VPS13A: variants seen among roughly 807,000 people sequenced by gnomAD.
VPS13A encodes the protein intermembrane lipid transfer protein VPS13A.
Under a neutral mutation model 390.9 loss-of-function variants are expected in VPS13A, and 264 were observed. That is an observed-to-expected ratio of 0.68 (90% confidence interval 0.61 to 0.75). The LOEUF is 0.75. Ranked by LOEUF, VPS13A falls within the 30% of genes least tolerant of loss-of-function variation. The pLI is 0.00. For missense variants in VPS13A, 3,409 were observed against 3,733.9 expected (o/e 0.91, Z 2.27); for synonymous variants, 1,231 against 1,227.1 (o/e 1.00, Z -0.07).
In VPS13A at chr9:77,339,484, A is replaced by ATTTT. The variant is rs200451091; in HGVS notation, c.6379-31_6379-28dup. Reference sequence around the variant, plus strand: ...GGCATATTATTCTGCAACATTTTAAATTTTGTTTTGTTTTTTTTTTTTTTA... The same window carrying ATTTT: ...GGCATATTATTCTGCAACATTTTAAATTTTTTTTGTTTTGTTTTTTTTTTTTTTA... On this transcript the variant is annotated intron_variant, in intron 47 of 71. Coordinates refer to ENST00000360280, the MANE Select transcript of VPS13A (RefSeq NM_033305.3). 1.9e-4 allele frequency: 268 copies of ATTTT among 1,397,218 alleles called. 7 individuals carry two copies. Among genetic ancestry groups the ATTTT allele is most frequent in the South Asian group, 6.7e-4 (49 of 73,498 alleles). 86.6% of individuals were successfully genotyped at this position (1,397,218 alleles called of 1,614,324 possible).
intron 1 of VPS13A, among the ~76,000 whole-genome samples, chr9:77,195,488 G>C (rs1167715480): frequency 6.6e-6 from 1 of 152,236 alleles, no homozygotes; most frequent in African/African-American, 2.4e-5. Context: ...TGTAATCCCA[G>C]CGTTCTGGGA....
Position 77,372,844 on chromosome 9 carries a change from GACAA to G in VPS13A, c.9077+1699_9077+1702del, listed in dbSNP as rs1221724830. On this transcript the variant is annotated intron_variant, in intron 67 of 71. Coordinates refer to ENST00000360280, the MANE Select transcript of VPS13A (RefSeq NM_033305.3). ...CAAGCATTCTTATACACCAACAACA[GACAA>G]ACAGAGAGCCAAATCATAAGTGAAC... 7.4e-4 allele frequency among the ~76,000 whole-genome samples: 112 copies of G among 152,146 alleles called. No individual in the cohort carries two copies. The East Asian group carries it at 0.02, about 27-fold the overall frequency.
intron 71 of VPS13A, among the ~76,000 whole-genome samples, chr9:77,414,114 A>C (rs1835064349): frequency 1.3e-5 from 2 of 152,210 alleles, no homozygotes; most frequent in Admixed American, 1.3e-4. Context: ...GATGTGGAGA[A>C]ATAGGAACAC....
At chr9:77,336,802 CTTT>C (rs1221241397) in intron 46 of VPS13A, among the ~76,000 whole-genome samples, 11 of 107,960 alleles carry the variant, frequency 1.0e-4, no homozygotes, top group African/African-American at 3.4e-4. Context: ...ATTTATCTAT[CTTT>C]TTTTTTTTTT....
At chr9:77,282,956 G>GA (rs199814594) in intron 29 of VPS13A, among the ~76,000 whole-genome samples, 10,956 of 136,472 alleles carry the variant, frequency 0.08, 452 homozygotes, top group South Asian at 0.12. Context: ...ACTCTGTTTC[G>GA]AAAAAAAAAA....
rs1243621287 is a variant in VPS13A, at chr9:77,417,234, T to G, written c.*1228T>G. 6.6e-6 allele frequency: 1 copy of G among 152,222 alleles called. No individual in the cohort carries two copies. The highest frequency in any genetic ancestry group is 1.5e-5 in the Non-Finnish European group (1 of 68,032). 9.4% of individuals were successfully genotyped at this position (152,222 alleles called of 1,614,324 possible). A position where few individuals can be genotyped will look rare whatever the true frequency, so the allele number is the denominator to read the frequency against. ...TACAGAGTATTCAATGCATGTTGTA[T>G]GTGCCACCAAGTTACTATTAACTGT... On this transcript the variant is annotated 3_prime_UTR_variant, in exon 72 of 72. Coordinates refer to ENST00000360280, the MANE Select transcript of VPS13A (RefSeq NM_033305.3).
intron 2 of VPS13A, among the ~76,000 whole-genome samples, chr9:77,200,555 G>C (rs1825270548): frequency 6.6e-6 from 1 of 151,900 alleles, no homozygotes; most frequent in Non-Finnish European, 1.5e-5. Context: ...TTTTTAACTT[G>C]TTTTCTGATT....
chr9:77,215,713 C>T (rs1346298895), intron 10 of VPS13A, among the ~76,000 whole-genome samples: 1 of 152,220 alleles, frequency 6.6e-6, no homozygotes, highest in Admixed American at 6.5e-5. Flanking sequence ...GAGAGGGTCC[C>T]CCTCCTTCAG....
At position 77,415,926 on chromosome 9, in the gene VPS13A, A is replaced by G. The variant is rs772061606; in HGVS notation, c.9475-30A>G. 1.9e-6 allele frequency: 3 copies of G among 1,612,250 alleles called. No individual in the cohort carries two copies. The African/African-American group carries it at 4.0e-5, about 22-fold the overall frequency. ...GTTTCATTACAAGTTCACTGAAGTA[A>G]GCAAATGTTCATTTATTTTCCCACC... On this transcript the variant is annotated intron_variant, in intron 71 of 71. Transcript: ENST00000360280.
Position 77,282,235 on chromosome 9 carries a change from A to G in VPS13A, c.3079A>G (p.Thr1027Ala), listed in dbSNP as rs1827071103. ...GGAAAAATCAGCCCCAGTGTCCACT[A>G]CAGAGACTGAAGACAAAGGAGATGT... Reference protein sequence around the residue: ...SEEKSAPVSTTETEDKGDVIK... With the variant: ...SEEKSAPVSTAETEDKGDVIK... Residue 1027 changes from threonine to alanine, a missense_variant, in exon 29 of 72, where the codon ACA (threonine) becomes GCA (alanine). Physicochemically the swap from Thr to Ala is moderately conservative, Grantham distance 58. Transcript: ENST00000360280. The G allele has an allele frequency of 6.2e-7, 1 of 1,613,676 alleles. No individual in the cohort carries two copies. The highest frequency in any genetic ancestry group is 2.2e-5 in the East Asian group (1 of 44,780).
chr9:77,183,236 A>G (rs910127546), intron 1 of VPS13A, among the ~76,000 whole-genome samples: 1 of 152,220 alleles, frequency 6.6e-6, no homozygotes, highest in Non-Finnish European at 1.5e-5. Context: ...AACATGCAGT[A>G]AAATACACGT....
intron 32 of VPS13A, among the ~76,000 whole-genome samples, chr9:77,294,718 A>C (rs146618408): frequency 2.6e-5 from 4 of 152,212 alleles, no homozygotes; most frequent in African/African-American, 9.6e-5. Context: ...TTTTAAAAAA[A>C]ATTAGAGTTG....
rs1029395568 is a variant in VPS13A, at chr9:77,186,078, A to G, written c.100+8274A>G. On this transcript the variant is annotated intron_variant, in intron 1 of 71. Transcript: ENST00000360280. ...GGAGGCAGTGAGCCGAGATTGTGCC[A>G]CTTCACTCTAGCCTGGGCGACAGTG... Among the ~76,000 whole-genome samples the G allele has an allele frequency of 1.8e-4, 27 of 152,326 alleles. No individual in the cohort carries two copies. In the East Asian group the frequency reaches 4.6e-3, roughly 26 times the overall value.
chr9:77,386,059 CTG>C lies in VPS13A; in HGVS notation c.9189+3974_9189+3975del, dbSNP rs938102732. The stretch of plus-strand genomic sequence containing the variant: ...AACATCATAAAGTTGTTTTAAAAAA[CTG>C]TTATGTAAACATCAAAAAATTCAAT... On this transcript the variant is annotated intron_variant, in intron 68 of 71. Transcript: ENST00000360280. 6.8e-4 allele frequency among the ~76,000 whole-genome samples: 104 copies of C among 152,154 alleles called. 1 individual carries two copies. The highest frequency in any genetic ancestry group is 2.4e-3 in the African/African-American group (98 of 41,540).
chr9:77,220,468 G>T, intron 12 of VPS13A, 85 bp downstream of exon 12: 1 of 940,678 alleles, frequency 1.1e-6, no homozygotes, highest in South Asian at 1.5e-5. Context: ...TAATCTTTAA[G>T]ATATACCATT....
chr9:77,376,713 A>G (rs1833099333), intron 67 of VPS13A, among the ~76,000 whole-genome samples: 2 of 152,168 alleles, frequency 1.3e-5, no homozygotes, highest in Admixed American at 1.3e-4. Flanking sequence ...GTTATTGTTG[A>G]GTAGAGGAGT....
intron 71 of VPS13A, among the ~76,000 whole-genome samples, chr9:77,412,425 C>G (rs1362161314): frequency 6.6e-6 from 1 of 152,182 alleles, no homozygotes; most frequent in African/African-American, 2.4e-5. Flanking sequence ...CCCTGGGATG[C>G]AAGGCTGGTT....
At chr9:77,323,832 T>C (rs887262882) in intron 45 of VPS13A, among the ~76,000 whole-genome samples, 1 of 152,194 alleles carries the variant, frequency 6.6e-6, no homozygotes, top group Non-Finnish European at 1.5e-5. Context: ...AAATTTTGTA[T>C]GTATGTGTCA....
At position 77,345,030 on chromosome 9, in the gene VPS13A, G is replaced by A. The variant is rs1278277038; in HGVS notation, c.7177G>A (p.Val2393Met). The A allele has an allele frequency of 1.2e-6, 2 of 1,612,614 alleles. No homozygotes were observed. The highest frequency in any genetic ancestry group is 1.7e-5 in the Admixed American group (1 of 60,006). Reference protein sequence around the residue: ...DNELGGIIAEVNLAEHSTVIT... With the variant: ...DNELGGIIAEMNLAEHSTVIT... The stretch of plus-strand genomic sequence containing the variant: ...CTAGCTTGGAGGTATTATAGCAGAA[G>A]TGAATTTGGCCGAGCATTCTACAGT... Residue 2393 changes from valine to methionine, a missense_variant, in exon 52 of 72, where the codon GTG becomes ATG. Physicochemically the swap from Val to Met is conservative, Grantham distance 21. Transcript: ENST00000360280.
Sources: allele counts gnomAD v4.1 joint callset (sites outside exome capture counted in the v4.1 genomes callset), GRCh38; gene constraint gnomAD v4.1.1; transcripts MANE v1.5; gene names NCBI Gene and HGNC (gene_info 2026-07-23, HGNC 2026-07-21).